The following SCLT1 variants were observed in gnomAD, a reference collection of about 807,000 sequenced individuals.
The protein encoded by SCLT1 is sodium channel and clathrin linker 1, also known as sodium channel-associated protein 1.
SCLT1 carries 78 observed loss-of-function variants against 112.8 expected under a neutral mutation model. The observed-to-expected ratio is 0.69, with a 90% CI of 0.58 to 0.83. SCLT1 has a LOEUF of 0.83. Ranked by LOEUF, SCLT1 falls within the 40% of genes least tolerant of loss-of-function variation. SCLT1 has a pLI of 0.00. For synonymous variants in SCLT1, 257 were observed against 254.7 expected, an observed-to-expected ratio of 1.01 and a Z score of -0.09; for missense variants, 747 against 770.4, an observed-to-expected ratio of 0.97 and a Z score of 0.36.
At position 128,928,922 on chromosome 4, in the gene SCLT1, C is replaced by T. The variant is rs185185794; in HGVS notation, c.1829+7733G>A. Among the ~76,000 whole-genome samples the T allele has an allele frequency of 9.5e-4, 145 of 152,076 alleles. 1 individual carries two copies. The highest frequency in any genetic ancestry group is 4.4e-4 in the Non-Finnish European group (30 of 67,986). On this transcript the variant is annotated intron_variant, in intron 18 of 20. Coordinates refer to ENST00000281142, the MANE Select transcript of SCLT1 (RefSeq NM_144643.4). The stretch of plus-strand genomic sequence containing the variant: ...TTCCTGAATGTGATAGAGGTTATCA[C>T]CAAACACAGAAAATATTATATGAAA...
chr4:129,042,586 C>A (rs72924187), intron 4 of SCLT1, among the ~76,000 whole-genome samples: 2,866 of 152,208 alleles, frequency 0.019, 83 homozygotes, highest in African/African-American at 0.058. Context: ...AGCACCTAAG[C>A]AATATCTCAT....
intron 5 of SCLT1, among the ~76,000 whole-genome samples, chr4:129,014,567 A>C (rs1238965865): frequency 6.6e-6 from 1 of 152,178 alleles, no homozygotes; most frequent in South Asian, 2.1e-4. Context: ...TTTCTGAAAG[A>C]CATTAGGGGA....
intron 11 of SCLT1, among the ~76,000 whole-genome samples, chr4:128,962,651 C>G (rs1739842337): frequency 1.3e-5 from 2 of 152,128 alleles, no homozygotes; most frequent in African/African-American, 4.8e-5. Context: ...AGACCCACCT[C>G]CATCCCTTCT....
intron 4 of SCLT1, among the ~76,000 whole-genome samples, chr4:129,041,153 C>A (rs1266029957): frequency 6.6e-6 from 1 of 152,078 alleles, no homozygotes; most frequent in African/African-American, 2.4e-5. Flanking sequence ...ATTCACTAGT[C>A]CTGAAAACAA....
chr4:129,078,940 A>C (rs1751697127), intron 2 of SCLT1, among the ~76,000 whole-genome samples: 1 of 152,142 alleles, frequency 6.6e-6, no homozygotes, highest in Non-Finnish European at 1.5e-5. Flanking sequence ...AAGGGAAAGA[A>C]GGCACATCTT....
intron 18 of SCLT1, among the ~76,000 whole-genome samples, chr4:128,896,124 AAAC>A (rs1733735466): frequency 6.6e-6 from 1 of 152,222 alleles, no homozygotes; most frequent in Non-Finnish European, 1.5e-5. Flanking sequence ...GGGCATTGCC[AAAC>A]AAAAGGCAGC....
intron 2 of SCLT1, among the ~76,000 whole-genome samples, chr4:129,079,989 G>C (rs867595529): frequency 6.6e-6 from 1 of 152,208 alleles, no homozygotes; most frequent in East Asian, 1.9e-4. Context: ...ATGTTATCTG[G>C]GGCCCTTTTA....
At chr4:129,035,907 G>A (rs1201984985) in intron 5 of SCLT1, among the ~76,000 whole-genome samples, 2 of 150,920 alleles carry the variant, frequency 1.3e-5, no homozygotes, top group East Asian at 1.9e-4. Context: ...ATTTCCTATT[G>A]TAGTAAATTC....
At chr4:129,048,577 T>A (rs1052928780) in intron 2 of SCLT1, among the ~76,000 whole-genome samples, 2 of 151,226 alleles carry the variant, frequency 1.3e-5, no homozygotes, top group Non-Finnish European at 3.0e-5. Context: ...GGGCAAGGAC[T>A]TCATGTCTAA....
At chr4:129,007,826 ATTCT>A (rs1198779115) in intron 5 of SCLT1, among the ~76,000 whole-genome samples, 1 of 152,016 alleles carries the variant, frequency 6.6e-6, no homozygotes. Context: ...TTTTGTTCCT[ATTCT>A]TTCTTATTAA....
At chr4:128,939,056 G>T (rs1737456109) in intron 17 of SCLT1, among the ~76,000 whole-genome samples, 1 of 152,108 alleles carries the variant, frequency 6.6e-6, no homozygotes, top group South Asian at 2.1e-4. Context: ...TTTAGAATTT[G>T]GCTGCCTAGT....
At chr4:128,887,820 T>C (rs1477831342) in intron 20 of SCLT1, among the ~76,000 whole-genome samples, 1 of 152,230 alleles carries the variant, frequency 6.6e-6, no homozygotes, top group East Asian at 1.9e-4. Flanking sequence ...TTTGGTCATA[T>C]GAAAATATGC....
At chr4:129,085,408 T>C (rs1752305240) in intron 1 of SCLT1, among the ~76,000 whole-genome samples, 1 of 152,092 alleles carries the variant, frequency 6.6e-6, no homozygotes, top group African/African-American at 2.4e-5. Context: ...ATTTATACAT[T>C]TTGGTGGGAA....
intron 2 of SCLT1, among the ~76,000 whole-genome samples, chr4:129,053,339 T>C (rs941006711): frequency 1.1e-4 from 16 of 152,104 alleles, no homozygotes; most frequent in Admixed American, 2.6e-4. Flanking sequence ...TGTTAAAGTC[T>C]CCCACTATTG....
chr4:129,059,982 T>C (rs1749804963), intron 2 of SCLT1, among the ~76,000 whole-genome samples: 1 of 152,172 alleles, frequency 6.6e-6, no homozygotes, highest in Non-Finnish European at 1.5e-5. Context: ...GCCCATAATA[T>C]GAATATTTTT....
chr4:129,042,822 TC>T (rs1747820362), intron 4 of SCLT1, among the ~76,000 whole-genome samples: 1 of 151,636 alleles, frequency 6.6e-6, no homozygotes, highest in African/African-American at 2.4e-5. Context: ...CTAACTTCAT[TC>T]CAGCACTTTG....
chr4:128,878,811 A>C (rs1732575894), intron 3 of SCLT1, among the ~76,000 whole-genome samples: 1 of 152,182 alleles, frequency 6.6e-6, no homozygotes, highest in Admixed American at 6.5e-5. Flanking sequence ...TACTTTACTT[A>C]CATTTAGCTT....
In SCLT1 at chr4:128,992,247, G is replaced by GA. The variant is rs762505637; in HGVS notation, c.616-11dup. 2,163 of 1,483,860 alleles carry GA rather than the reference G, an allele frequency of 1.5e-3. No individual in the cohort carries two copies. Among genetic ancestry groups the GA allele is most frequent in the Non-Finnish European group, 1.6e-3 (1,796 of 1,089,746 alleles). The allele number at this position is 1,483,860 out of a possible 1,614,324, so 91.9% of individuals were successfully genotyped here. ...GAAACTGTTGGTTAGTCTGCCACAA[G>GA]AAAAAAAAAGAATCAGTATTAGAAT... On this transcript the variant is annotated splice_polypyrimidine_tract_variant and intron_variant, in intron 8 of 20. Coordinates refer to ENST00000281142, the MANE Select transcript of SCLT1 (RefSeq NM_144643.4).
intron 3 of SCLT1, among the ~76,000 whole-genome samples, chr4:128,878,735 A>T (rs1034279004): frequency 6.6e-6 from 1 of 152,204 alleles, no homozygotes; most frequent in Admixed American, 6.5e-5. Flanking sequence ...AGAAATCTGG[A>T]AACTTTCAAA....
Sources: gnomAD v4.1 joint callset for allele counts (sites outside exome capture counted in the v4.1 genomes callset) on GRCh38, gnomAD v4.1.1 for gene constraint, MANE v1.5 for transcripts, NCBI Gene and HGNC (gene_info 2026-07-23, HGNC 2026-07-21) for gene names.